The following FANCC variants were observed in gnomAD, a reference collection of about 807,000 sequenced individuals.
FANCC encodes the protein FA complementation group C, also known as Fanconi anemia group C protein.
A neutral mutation model predicts 71.3 loss-of-function variants in FANCC; 55 were observed. The observed-to-expected ratio is 0.77, with a 90% CI of 0.62 to 0.97. FANCC has a LOEUF of 0.97. Ranked by LOEUF, FANCC falls within the 50% of genes least tolerant of loss-of-function variation. FANCC has a pLI of 0.00. For missense variants in FANCC, 678 were observed against 670.9 expected (o/e 1.01, Z -0.12); for synonymous variants, 275 against 244.9 (o/e 1.12, Z -1.15).
At chr9:95,147,583 A>C (rs1188113293) in intron 7 of FANCC, among the ~76,000 whole-genome samples, 6 of 152,200 alleles carry the variant, frequency 3.9e-5, no homozygotes, top group African/African-American at 1.4e-4. Context: ...TGAGATGGAG[A>C]CATCTGCTAC....
chr9:95,238,193 ACT>A (rs1208496952), intron 4 of FANCC, among the ~76,000 whole-genome samples: 1 of 151,696 alleles, frequency 6.6e-6, no homozygotes, highest in East Asian at 1.9e-4. Context: ...CTACCCCAGC[ACT>A]CTCTGGGAGC....
intron 1 of FANCC, among the ~76,000 whole-genome samples, chr9:95,308,926 T>C (rs1357018183): frequency 6.6e-6 from 1 of 152,126 alleles, no homozygotes; most frequent in Non-Finnish European, 1.5e-5. Context: ...GAGGATCACT[T>C]GAGTCCAGGA....
chr9:95,294,906 G>C (rs977705197), intron 1 of FANCC: 3 of 1,122,374 alleles, frequency 2.7e-6, no homozygotes, highest in African/African-American at 3.1e-5. Flanking sequence ...GATTGAATGT[G>C]GCTGATGATG....
chr9:95,149,023 T>C (rs984509987), intron 7 of FANCC, among the ~76,000 whole-genome samples: 2 of 151,908 alleles, frequency 1.3e-5, no homozygotes, highest in South Asian at 4.2e-4. Flanking sequence ...AGTCTTAGGG[T>C]AGAAAATGAG....
chr9:95,249,254 T>C lies in FANCC; in HGVS notation c.38A>G (p.Gln13Arg), dbSNP rs199968672. Residue 13 changes from glutamine (Q) to arginine (R), a missense_variant, in exon 2 of 15, where the codon CAG becomes CGG. Transcript: ENST00000289081. ...TACAGAAAGCTTCTGCATCCAAAAC[T>C]GATAATCACAAGAAAGATCTACTGA... The part of the protein sequence containing the change: ...QDSVDLSCDY[Q>R]FWMQKLSVWD... 1.2e-6 allele frequency: 2 copies of C among 1,614,168 alleles called. No individual in the cohort carries two copies. The highest frequency in any genetic ancestry group is 2.7e-5 in the African/African-American group (2 of 75,050).
At chr9:95,261,208 AG>A (rs1437679676) in intron 1 of FANCC, among the ~76,000 whole-genome samples, 3 of 152,238 alleles carry the variant, frequency 2.0e-5, no homozygotes, top group African/African-American at 7.2e-5. Context: ...CTGATTCTTC[AG>A]ATTTATGGTA....
rs151228404 is a variant in FANCC, at chr9:95,195,069, G to A, written c.346-22922C>T. 8.9e-3 allele frequency among the ~76,000 whole-genome samples: 1,350 copies of A among 151,952 alleles called. 23 individuals carry two copies. Among genetic ancestry groups the A allele is most frequent in the African/African-American group, 0.031 (1,279 of 41,446 alleles). ...AAAAATTAGCTTGGCGTGGTGGCACGTGCCTGCAGTCCCAGCTACTTGGGA... is the reference window on the plus strand; with the variant it reads ...AAAAATTAGCTTGGCGTGGTGGCACATGCCTGCAGTCCCAGCTACTTGGGA... On this transcript the variant is annotated intron_variant, in intron 4 of 14. Coordinates refer to ENST00000289081, the MANE Select transcript of FANCC (RefSeq NM_000136.3).
At chr9:95,209,291 T>C (rs1244401702) in intron 4 of FANCC, among the ~76,000 whole-genome samples, 1 of 152,178 alleles carries the variant, frequency 6.6e-6, no homozygotes, top group East Asian at 1.9e-4. Context: ...TGTATGATAC[T>C]GTAATGGTGG....
chr9:95,213,913 TTAA>T (rs1828677939), intron 4 of FANCC, among the ~76,000 whole-genome samples: 1 of 152,104 alleles, frequency 6.6e-6, no homozygotes, highest in African/African-American at 2.4e-5. Context: ...GGATAAGGGA[TTAA>T]TACCTGGAAT....
intron 4 of FANCC, among the ~76,000 whole-genome samples, chr9:95,184,681 G>A (rs1191269732): frequency 6.6e-6 from 1 of 152,210 alleles, no homozygotes; most frequent in African/African-American, 2.4e-5. Flanking sequence ...AACTTCAGAA[G>A]CTTTTCCAAA....
At chr9:95,240,496 T>C (rs1423685065) in intron 4 of FANCC, among the ~76,000 whole-genome samples, 153 bp downstream of exon 4, 1 of 152,206 alleles carries the variant, frequency 6.6e-6, no homozygotes, top group Non-Finnish European at 1.5e-5. Flanking sequence ...AACTTTTTAC[T>C]CAGCAAGATA....
intron 4 of FANCC, among the ~76,000 whole-genome samples, chr9:95,182,827 G>C (rs1826458489): frequency 6.6e-6 from 1 of 152,150 alleles, no homozygotes. Flanking sequence ...AGAAGACAAA[G>C]TGGAGGAGGG....
chr9:95,260,569 T>C (rs982986698), intron 1 of FANCC, among the ~76,000 whole-genome samples: 2 of 151,760 alleles, frequency 1.3e-5, no homozygotes, highest in African/African-American at 4.8e-5. Flanking sequence ...AGGGATACCA[T>C]TAGCAGAAAT....
chr9:95,277,335 G>A, intron 1 of FANCC, among the ~76,000 whole-genome samples: 1 of 152,132 alleles, frequency 6.6e-6, no homozygotes, highest in Non-Finnish European at 1.5e-5. Context: ...CATAATGTAT[G>A]CATATTTCAA....
At chr9:95,235,844 C>CAAA (rs10666439) in intron 4 of FANCC, among the ~76,000 whole-genome samples, 401 of 36,212 alleles carry the variant, frequency 0.011, 123 homozygotes, top group East Asian at 0.029. Context: ...AACTCCACCT[C>CAAA]AAAAAAAAAA....
intron 6 of FANCC, among the ~76,000 whole-genome samples, chr9:95,154,542 C>G (rs374057406): frequency 6.6e-6 from 1 of 152,164 alleles, no homozygotes; most frequent in East Asian, 1.9e-4. Context: ...CCTACATTAT[C>G]TGCATACATA....
rs1441757988 is a variant in FANCC at position 95,291,967 on chromosome 9, A to AAATATATAT, written c.-79+25558_-79+25559insATATATATT. Among the ~76,000 whole-genome samples, 53 of 50,424 alleles carry AAATATATAT rather than the reference A, an allele frequency of 1.1e-3. 1 individual carries two copies. Among genetic ancestry groups the AAATATATAT allele is most frequent in the African/African-American group, 4.0e-3 (48 of 12,146 alleles). 33.1% of individuals were successfully genotyped at this position (50,424 alleles called of 152,430 possible). A position where few individuals can be genotyped will look rare whatever the true frequency, so the allele number is the denominator to read the frequency against. ...TGTCTCAAAAAAAAAAAAAAAAAAAAATATATATATATATATATATATATA... is the reference window on the plus strand; with the variant it reads ...TGTCTCAAAAAAAAAAAAAAAAAAAAAATATATATATATATATATATATATATATATATA... On this transcript the variant is annotated intron_variant, in intron 1 of 14. Transcript: ENST00000289081.
chr9:95,183,310 C>T lies in FANCC; in HGVS notation c.346-11163G>A, dbSNP rs570695958. 3.3e-5 allele frequency among the ~76,000 whole-genome samples: 5 copies of T among 152,348 alleles called. 1 individual carries two copies. The highest frequency in any genetic ancestry group is 1.2e-4 in the African/African-American group (5 of 41,584). On this transcript the variant is annotated intron_variant, in intron 4 of 14. Transcript: ENST00000289081. ...GTCACCTTGCAGTGTAACGGTGAGC[C>T]TGCTCTCCTCTGTCCACCGTTAGCA...
intron 1 of FANCC, among the ~76,000 whole-genome samples, chr9:95,290,866 A>T (rs1029657288): frequency 2.0e-5 from 3 of 152,220 alleles, no homozygotes; most frequent in African/African-American, 7.2e-5. Context: ...ACACATAAAA[A>T]AAGATCACAT....
Sources: allele counts gnomAD v4.1 joint callset (sites outside exome capture counted in the v4.1 genomes callset), GRCh38; gene constraint gnomAD v4.1.1; transcripts MANE v1.5; gene names NCBI Gene and HGNC (gene_info 2026-07-23, HGNC 2026-07-21).